The following DHRS12 variants were observed in gnomAD, a reference collection of about 807,000 sequenced individuals.
DHRS12 encodes dehydrogenase/reductase SDR family member 12.
Under a neutral mutation model 32.1 loss-of-function variants are expected in DHRS12, and 29 were observed. That is an observed-to-expected ratio of 0.90 (90% CI 0.67 to 1.23). The LOEUF is 1.23. Among genes scored for constraint, DHRS12 ranks in the 50% most tolerant of loss-of-function variants. DHRS12 has a pLI of 0.00. For missense variants in DHRS12, 330 were observed against 337.2 expected, an observed-to-expected ratio of 0.98 and a Z score of 0.17; for synonymous variants, 150 against 135.9, an observed-to-expected ratio of 1.10 and a Z score of -0.72.
At chr13:51,784,383 G>A (rs555518842) in intron 4 of DHRS12, among the ~76,000 whole-genome samples, 1 of 152,298 alleles carries the variant, frequency 6.6e-6, no homozygotes, top group African/African-American at 2.4e-5. Flanking sequence ...TTCCAGGCAG[G>A]GGAGCAGCAG....
At chr13:51,804,004 G>C (rs1183517281) in intron 1 of DHRS12, 50 bp downstream of exon 1, 1 of 1,418,562 alleles carries the variant, frequency 7.0e-7, no homozygotes, top group Admixed American at 2.9e-5. Flanking sequence ...CCCGCGCCGA[G>C]GCGGGCCACG....
chr13:51,756,643 A>G, the DHRS12 span: 8 of 985,182 alleles, frequency 8.1e-6, no homozygotes, highest in Non-Finnish European at 9.6e-6. Context: ...CTGTGAGATG[A>G]GAGAAGAGAA....
At chr13:51,769,363 T>TA (rs11374211) in intron 7 of DHRS12, 70 bp from the exon 8 acceptor site, 184,317 of 996,626 alleles carry the variant, frequency 0.18, 4,541 homozygotes, top group Admixed American at 0.35. Context: ...TCCCTTAATT[T>TA]AAAAAAAAAA....
chr13:51,778,101 C>T (rs1397793994), intron 4 of DHRS12, among the ~76,000 whole-genome samples: 3 of 152,194 alleles, frequency 2.0e-5, no homozygotes, highest in Admixed American at 1.3e-4. Context: ...TGGGAAGGGT[C>T]CTGGAGGTGG....
At chr13:51,804,013 C>T in intron 1 of DHRS12, 41 bp downstream of exon 1, 2 of 1,444,612 alleles carry the variant, frequency 1.4e-6, no homozygotes, top group Non-Finnish European at 1.8e-6. Flanking sequence ...AGGCGGGCCA[C>T]GTGACAGCCC....
At chr13:51,803,005 A>T (rs1411117602) in intron 1 of DHRS12, among the ~76,000 whole-genome samples, 1 of 152,248 alleles carries the variant, frequency 6.6e-6, no homozygotes, top group African/African-American at 2.4e-5. Context: ...ATTAATGGTC[A>T]TTGCCAGAGG....
At chr13:51,778,118 G>A (rs9596575) in intron 4 of DHRS12, among the ~76,000 whole-genome samples, 14,380 of 152,284 alleles carry the variant, frequency 0.094, 1,110 homozygotes, top group African/African-American at 0.21. Context: ...GTGGATCCAG[G>A]GGCCTCCCTC....
chr13:51,782,605 T>C lies in DHRS12; in HGVS notation c.302-5484A>G, dbSNP rs1566290007. ...CAGGATGCCCGGGACTCGGGGACCA[T>C]GAGAGGCTGGTGGAGGAAGTGCTGT... On this transcript the variant is annotated intron_variant, in intron 4 of 8. Transcript: ENST00000444610. The surrounding 1 kb of genome is among the most constrained non-coding windows in gnomAD (Gnocchi z 4.2). Among the ~76,000 whole-genome samples, 2 of 152,084 alleles carry C rather than the reference T, an allele frequency of 1.3e-5. No individual in the cohort carries two copies.
the DHRS12 span, chr13:51,761,677 T>A: frequency 1.6e-3 from 247 of 152,342 alleles, no homozygotes; most frequent in African/African-American, 5.4e-3. Flanking sequence ...TAGGGGGAAG[T>A]ACTACAAGCT....
Position 51,771,471 on chromosome 13 carries a change from T to C in DHRS12, c.559+350A>G, listed in dbSNP as rs530187843. The C allele has an allele frequency of 1.2e-6, 2 of 1,614,182 alleles. No individual in the cohort carries two copies. Among genetic ancestry groups the C allele is most frequent in the Non-Finnish European group, 1.7e-6 (2 of 1,180,028 alleles). On this transcript the variant is annotated intron_variant, in intron 7 of 8. Transcript: ENST00000444610. ...GGCAGTCTGGGCCTCTCCCACTACC[T>C]TCCTCAGCTCCTGCTCATTCCTGTC...
At chr13:51,758,450 T>G in the DHRS12 span, 1 of 465,224 alleles carries the variant, frequency 2.1e-6, no homozygotes, top group South Asian at 3.3e-5. Flanking sequence ...ACTCAGGAGA[T>G]TTAGGAGGGA....
chr13:51,779,072 G>A (rs1049336197), intron 4 of DHRS12, among the ~76,000 whole-genome samples: 3 of 152,026 alleles, frequency 2.0e-5, no homozygotes, highest in African/African-American at 4.8e-5. Flanking sequence ...CTTGAGTCAC[G>A]TAGCCATGCT....
intron 6 of DHRS12, chr13:51,773,080 TATATCCGGC>T (rs1954110291): frequency 9.1e-6 from 9 of 984,434 alleles, no homozygotes; most frequent in Non-Finnish European, 1.1e-5. Context: ...GGAAGTTATA[TATATCCGGC>T]TTTTAAATAT....
Position 51,771,912 on chromosome 13 carries a change from C to G in DHRS12, c.469-1G>C. On this transcript the variant is annotated splice_acceptor_variant, in intron 6 of 8. Coordinates refer to ENST00000444610, the MANE Select transcript of DHRS12 (RefSeq NM_001377533.1). LOFTEE classifies it high-confidence loss of function. ...GCTCCGTCAGAACCACTTGCTGCCT[C>G]TGGACAGGAAGGAGCGAGGGGGTGA... 6.2e-7 allele frequency: 1 copy of G among 1,614,060 alleles called. No homozygotes were observed. The highest frequency in any genetic ancestry group is 8.5e-7 in the Non-Finnish European group (1 of 1,179,990).
chr13:51,758,433 C>T, the DHRS12 span: 1 of 509,374 alleles, frequency 2.0e-6, no homozygotes, highest in Non-Finnish European at 3.5e-6. Context: ...TGTCTGTAGT[C>T]CCAGCTACTC....
the DHRS12 span, among the ~76,000 whole-genome samples, chr13:51,758,879 A>G: frequency 6.6e-6 from 1 of 152,168 alleles, no homozygotes; most frequent in Non-Finnish European, 1.5e-5. Context: ...TGACTTTGAG[A>G]GGAAGTTTAA....
chr13:51,786,702 T>C (rs1954973965), intron 4 of DHRS12, among the ~76,000 whole-genome samples: 1 of 152,182 alleles, frequency 6.6e-6, no homozygotes, highest in Non-Finnish European at 1.5e-5. Flanking sequence ...GCTGAAGGCA[T>C]TTTGCATTTA....
chr13:51,795,076 C>A (rs1955455384), intron 2 of DHRS12, among the ~76,000 whole-genome samples: 1 of 152,162 alleles, frequency 6.6e-6, no homozygotes, highest in South Asian at 2.1e-4. Flanking sequence ...CCTGATCTTA[C>A]CAAGCCAGCG....
At chr13:51,768,783 C>CTT (rs1406398693) in intron 8 of DHRS12, 3 of 1,202,596 alleles carry the variant, frequency 2.5e-6, no homozygotes, top group East Asian at 4.9e-5. Context: ...AGCAGAGTCC[C>CTT]TTACACCCTT....
Sources: gnomAD v4.1 joint callset for allele counts (sites outside exome capture counted in the v4.1 genomes callset) on GRCh38, gnomAD v4.1.1 for gene constraint, Gnocchi (gnomAD v3.1) non-coding constraint, MANE v1.5 for transcripts, NCBI Gene and HGNC (gene_info 2026-07-23, HGNC 2026-07-21) for gene names.